BCORL1: variants seen among roughly 807,000 people sequenced by gnomAD.
BCORL1 encodes the protein BCL6 corepressor like 1.
BCORL1 carries 7 observed loss-of-function variants against 87.6 expected under a neutral mutation model. The observed-to-expected ratio is 0.08, with a 90% CI of 0.05 to 0.15. The LOEUF (loss-of-function observed/expected upper bound fraction) is 0.15. BCORL1 is among the 10% of genes least tolerant of loss of function. The pLI, the probability that BCORL1 is intolerant of heterozygous loss-of-function variation, is 1.00. For synonymous variants in BCORL1, 591 were observed against 634.4 expected (o/e 0.93, Z 1.03); for missense variants, 1,215 against 1,499.7 (o/e 0.81, Z 3.13).
At chrX:130,046,396 G>A (rs1432975509) in intron 11 of BCORL1, among the ~76,000 whole-genome samples, 2 of 109,109 alleles carry the variant, frequency 1.8e-5, no homozygotes, top group African/African-American at 6.7e-5. Flanking sequence ...TTCTTTTTGA[G>A]ACAGAGTCTC....
At chrX:130,044,410 G>C (rs920919647) in intron 11 of BCORL1, among the ~76,000 whole-genome samples, 1 of 111,420 alleles carries the variant, frequency 9.0e-6, no homozygotes, top group Admixed American at 9.6e-5. Context: ...GTGAGCATTA[G>C]CGTCAGGGTT....
chrX:129,981,929 G>T (rs1261644813), upstream of BCORL1: 1 of 93,817 alleles, frequency 1.1e-5, no homozygotes, highest in Non-Finnish European at 2.2e-5. Context: ...CGACGGTGGG[G>T]GGGGGAGCGG....
intron 1 of BCORL1, among the ~76,000 whole-genome samples, chrX:129,987,398 G>A (rs192938003): frequency 1.3e-4 from 15 of 112,308 alleles, no homozygotes; most frequent in African/African-American, 4.8e-4. Flanking sequence ...TTAGGGAGCG[G>A]AAAATCTTGC....
chrX:130,025,997 A>T (rs936475177), intron 7 of BCORL1, among the ~76,000 whole-genome samples: 5 of 111,749 alleles, frequency 4.5e-5, no homozygotes, highest in South Asian at 7.5e-4. Flanking sequence ...AGAGAAAACC[A>T]GGCTTTCTCT....
intron 1 of BCORL1, among the ~76,000 whole-genome samples, chrX:129,998,409 A>G (rs1170907183): frequency 1.8e-5 from 2 of 111,286 alleles, no homozygotes; most frequent in Admixed American, 1.9e-4. Context: ...CGGTGCTTCA[A>G]GCAAAAGCAA....
intron 2 of BCORL1, among the ~76,000 whole-genome samples, chrX:130,006,761 G>A (rs1455270713): frequency 9.1e-6 from 1 of 109,994 alleles, no homozygotes; most frequent in Admixed American, 9.8e-5. Context: ...TAGTAGAGAC[G>A]GAGTTTTACT....
intron 1 of BCORL1, among the ~76,000 whole-genome samples, chrX:129,985,659 G>A (rs1371531787): frequency 9.0e-6 from 1 of 110,953 alleles, no homozygotes; most frequent in Non-Finnish European, 1.9e-5. Context: ...AGAGTTTAGG[G>A]ATGTGGCCAT....
chrX:130,038,292 G>T (rs1322831805), intron 10 of BCORL1, among the ~76,000 whole-genome samples: 1 of 111,723 alleles, frequency 9.0e-6, no homozygotes, highest in African/African-American at 3.3e-5. Context: ...TAGAGAAATT[G>T]TACCCATTCT....
intron 2 of BCORL1, among the ~76,000 whole-genome samples, chrX:130,006,242 G>A (rs1928477687): frequency 9.0e-6 from 1 of 111,646 alleles, no homozygotes. Context: ...ACCAAGATGT[G>A]CCATTGCCTG....
chrX:130,027,012 C>T (rs999123411), intron 7 of BCORL1, among the ~76,000 whole-genome samples: 4 of 113,284 alleles, frequency 3.5e-5, no homozygotes, highest in African/African-American at 1.3e-4. Flanking sequence ...TCTTGACCTG[C>T]GGAGCAGGTA....
At chrX:129,996,147 T>C in intron 1 of BCORL1, among the ~76,000 whole-genome samples, 1 of 110,969 alleles carries the variant, frequency 9.0e-6, no homozygotes, top group South Asian at 3.8e-4. Context: ...CTCTGTCTTA[T>C]GGGAGCTTTA....
intron 11 of BCORL1, among the ~76,000 whole-genome samples, chrX:130,045,319 CAGGACA>C (rs1931679803): frequency 8.9e-5 from 10 of 112,496 alleles, no homozygotes; most frequent in Admixed American, 6.6e-4. Flanking sequence ...GAGGAAGTAT[CAGGACA>C]CTCTGCCTTC....
At position 130,016,187 on chromosome X, in the gene BCORL1, G is replaced by A. The variant is rs775294671; in HGVS notation, c.3415G>A (p.Val1139Met). 16 of 1,202,787 alleles carry A rather than the reference G, an allele frequency of 1.3e-5. No individual in the cohort carries two copies. Among genetic ancestry groups the A allele is most frequent in the Middle Eastern group, 2.3e-4 (1 of 4,283 alleles). The stretch of plus-strand genomic sequence containing the variant: ...GCAGCTCCAGCCACAAGCCAAGGCC[G>A]TGGTCCGGAGTTCCCACAGACCCAA... ...EQQLQPQAKA[V>M]VRSSHRPKCR... Residue 1139 changes from valine (V) to methionine (M), a missense_variant, in exon 4 of 14, where the codon GTG (valine) becomes ATG (methionine). Physicochemically the swap from Val to Met is conservative, Grantham distance 21. This residue lies in a region of BCORL1 where 861 missense variants were observed against 1,010.0 expected (regional missense o/e 0.85). Transcript: ENST00000540052.
At chrX:129,994,082 G>A (rs1177134614) in intron 1 of BCORL1, among the ~76,000 whole-genome samples, 8 of 112,740 alleles carry the variant, frequency 7.1e-5, no homozygotes, top group African/African-American at 1.3e-4. Context: ...CACCATGTCC[G>A]GCCAGTCTAT....
chrX:129,988,601 G>A (rs1926813920), intron 1 of BCORL1, among the ~76,000 whole-genome samples: 1 of 111,818 alleles, frequency 8.9e-6, no homozygotes, highest in African/African-American at 3.2e-5. Flanking sequence ...ACTCATCACA[G>A]TATGTGAGGC....
intron 13 of BCORL1, among the ~76,000 whole-genome samples, chrX:130,053,054 C>T (rs936300560): frequency 2.9e-4 from 33 of 111,916 alleles, no homozygotes; most frequent in African/African-American, 8.1e-4. Flanking sequence ...GCAGGAGAAT[C>T]GCCTGAACCT....
intron 1 of BCORL1, among the ~76,000 whole-genome samples, chrX:129,987,215 A>T (rs1055567939): frequency 5.4e-5 from 6 of 111,906 alleles, no homozygotes; most frequent in Non-Finnish European, 9.4e-5. Context: ...ATGGGGTAAA[A>T]GTAGGGTGGG....
Position 130,021,037 on chromosome X carries a change from G to T in BCORL1, c.3494G>T (p.Gly1165Val), listed in dbSNP as rs1330822282. Residue 1165 changes from glycine (G) to valine (V), a missense_variant, in exon 5 of 14, where the codon GGG (glycine) becomes GTG (valine). Physicochemically the swap from Gly to Val is moderately radical, Grantham distance 109 (BLOSUM62 -3). Around this residue, in one of 5 missense-constraint regions of BCORL1, gnomAD observed 861 missense variants for 1,010.0 expected, o/e 0.85. Transcript: ENST00000540052. Reference protein sequence around the residue: ...PQESTKKSPRGASDSGKEHNG... With the variant: ...PQESTKKSPRVASDSGKEHNG... ...GAATCCACCAAGAAAAGCCCCAGGG[G>T]GGCTTCAGATTCAGGAAAAGAGCAC... The T allele has an allele frequency of 8.4e-6, 10 of 1,189,085 alleles. No homozygotes were observed. In the South Asian group the frequency reaches 1.7e-4, roughly 20 times the overall value.
At chrX:129,994,685 G>T (rs1444058822) in intron 1 of BCORL1, among the ~76,000 whole-genome samples, 1 of 111,474 alleles carries the variant, frequency 9.0e-6, no homozygotes, top group African/African-American at 3.3e-5. Context: ...CCTATATGCC[G>T]GCAACTACCT....
Sources: allele counts gnomAD v4.1 joint callset (sites outside exome capture counted in the v4.1 genomes callset), GRCh38; gene constraint gnomAD v4.1.1; regional missense constraint gnomAD v4.1.1; transcripts MANE v1.5; gene names NCBI Gene and HGNC (gene_info 2026-07-23, HGNC 2026-07-21).